Variants in VWF observed in about 807,000 individuals in gnomAD.
The protein encoded by VWF is Factor VIII related antigen.
In VWF, 176 loss-of-function variants were observed where a neutral mutation model predicts 308.6. That is an observed-to-expected ratio of 0.57 (90% CI 0.50 to 0.65). The LOEUF is 0.65. Ranked by LOEUF, VWF falls within the 30% of genes least tolerant of loss-of-function variation. VWF has a pLI of 0.00. For missense variants in VWF, 3,146 were observed against 3,648.2 expected, an observed-to-expected ratio of 0.86 and a Z score of 3.55; for synonymous variants, 1,385 against 1,443.4, an observed-to-expected ratio of 0.96 and a Z score of 0.92.
At chr12:6,122,980 C>T (rs749627452) in intron 2 of VWF, 162 bp downstream of exon 2, 7 of 866,916 alleles carry the variant, frequency 8.1e-6, no homozygotes, top group Admixed American at 5.1e-5. Context: ...GAATACAAGT[C>T]AAGGGTGGGA....
chr12:6,075,932 T>C lies in VWF; in HGVS notation c.658-381A>G, dbSNP rs1437913364. On this transcript the variant is annotated intron_variant, in intron 6 of 51. Transcript: ENST00000261405. The surrounding 1 kb of genome is among the most constrained non-coding windows in gnomAD (Gnocchi z 4.7). ...AATGCTGTCAGCATCGGTTCTGCAC[T>C]GACCTGTTCAGCTCCCCTCCCTGAC... Among the ~76,000 whole-genome samples, 2 of 152,232 alleles carry C rather than the reference T, an allele frequency of 1.3e-5. No homozygotes were observed. Among genetic ancestry groups the C allele is most frequent in the African/African-American group, 4.8e-5 (2 of 41,458 alleles).
rs573460498 is a variant in VWF at position 5,968,344 on chromosome 12, C to A, written c.7730-177G>T. On this transcript the variant is annotated intron_variant, in intron 45 of 51. Transcript: ENST00000261405. ...GGGGTCCTACTGCTGGAGCCCACAG[C>A]GGCCTCCCTTCCCCATGCAGCCCAC... The A allele has an allele frequency of 1.2e-3, 782 of 661,644 alleles. 2 individuals carry two copies. The highest frequency in any genetic ancestry group is 2.1e-3 in the Middle Eastern group (5 of 2,408). The allele number at this position is 661,644 out of a possible 1,614,324, so 41.0% of individuals were successfully genotyped here. A position where few individuals can be genotyped will look rare whatever the true frequency, so the allele number is the denominator to read the frequency against.
Position 6,046,913 on chromosome 12 carries a change from C to T in VWF, c.2187-96G>A. On this transcript the variant is annotated intron_variant, in intron 16 of 51. Transcript: ENST00000261405. This position sits in a 1 kb window ranked among gnomAD's most constrained non-coding sequence, Gnocchi z 5.0. ...CCCACTCACTCTCTGCCCCTTCCAACCAGGTCCCAGTCCCATAACCCCTCC... is the reference window on the plus strand; with the variant it reads ...CCCACTCACTCTCTGCCCCTTCCAATCAGGTCCCAGTCCCATAACCCCTCC... 9.0e-7 allele frequency: 1 copy of T among 1,106,438 alleles called. No homozygotes were observed. The allele number at this position is 1,106,438 out of a possible 1,614,324, so 68.5% of individuals were successfully genotyped here.
chr12:6,031,683 G>A, intron 20 of VWF, 105 bp from the exon 21 acceptor site: 1 of 1,569,742 alleles, frequency 6.4e-7, no homozygotes, highest in South Asian at 1.1e-5. Context: ...CGTGTCACAG[G>A]ATCTTGCCAC....
chr12:6,114,613 AT>A (rs1409377080), intron 3 of VWF, among the ~76,000 whole-genome samples: 2 of 152,142 alleles, frequency 1.3e-5, no homozygotes, highest in Non-Finnish European at 2.9e-5. Context: ...TAACTTGCCT[AT>A]CATCACAGAG....
chr12:5,949,121 G>A lies in VWF; in HGVS notation c.8336C>T (p.Thr2779Met), dbSNP rs374314985. Residue 2779 changes from threonine to methionine, a missense_variant, in exon 52 of 52, where the codon ACG (threonine) becomes ATG (methionine). Physicochemically the swap from Thr to Met is moderately conservative, Grantham distance 81. Coordinates refer to ENST00000261405, the MANE Select transcript of VWF (RefSeq NM_000552.5). ...DQCSCCSPTR[T>M]EPMQVALHCT... ...GTGCAGGGCCACCTGCATGGGCTCC[G>A]TCCGTGTCGGAGAGCAGCAGGAGCA... is the stretch of plus-strand genomic sequence containing the variant. The A allele has an allele frequency of 2.6e-5, 42 of 1,614,102 alleles. No individual in the cohort carries two copies. The Admixed American group carries it at 4.0e-4, about 15-fold the overall frequency.
chr12:6,019,252 T>C lies in VWF; in HGVS notation c.4166A>G (p.Glu1389Gly), dbSNP rs1235599365. 6.2e-7 allele frequency: 1 copy of C among 1,613,710 alleles called. No homozygotes were observed. The highest frequency in any genetic ancestry group is 8.5e-7 in the Non-Finnish European group (1 of 1,179,842). ...RITLLLMASQEPQRMSRNFVR... is the reference protein window; with the variant it reads ...RITLLLMASQGPQRMSRNFVR... ...AAAGTTCCGGGACATCCGTTGGGGC[T>C]CCTGGCTGGCCATCAGGAGCAGGGT... The change falls in exon 28 of 52, where the codon GAG (glutamate) becomes GGG (glycine). Residue 1389 changes from glutamate to glycine, a missense_variant. Physicochemically the swap from Glu to Gly is moderately conservative, Grantham distance 98. This residue lies in a region of VWF where 853 missense variants were observed against 1,177.8 expected (regional missense o/e 0.72). Transcript: ENST00000261405. The surrounding 1 kb of genome is among the most constrained non-coding windows in gnomAD (Gnocchi z 5.8).
At chr12:6,121,041 T>C in intron 3 of VWF, 133 bp downstream of exon 3, 1 of 1,267,854 alleles carries the variant, frequency 7.9e-7, no homozygotes, top group Non-Finnish European at 1.1e-6. Flanking sequence ...ACAGAAAGGC[T>C]GTTCCTCTCC....
intron 47 of VWF, among the ~76,000 whole-genome samples, chr12:5,964,282 A>ACATACATACATACATACATG (rs1269684878): frequency 3.5e-5 from 5 of 143,366 alleles, no homozygotes; most frequent in African/African-American, 1.5e-4. Flanking sequence ...ATGCATACAT[A>ACATACATACATACATACATG]CATGCATACA....
chr12:6,072,207 C>G, intron 9 of VWF, 124 bp downstream of exon 9: 1 of 843,420 alleles, frequency 1.2e-6, no homozygotes, highest in Non-Finnish European at 1.9e-6. Flanking sequence ...TAGCCTCCAA[C>G]TCAGTCTCTT....
chr12:6,053,646 C>G (rs755687079), intron 15 of VWF, among the ~76,000 whole-genome samples: 1 of 152,176 alleles, frequency 6.6e-6, no homozygotes, highest in Non-Finnish European at 1.5e-5. Context: ...TCCCAAATAC[C>G]TGGGTTCACG....
chr12:6,110,787 C>T, intron 4 of VWF, 79 bp downstream of exon 4: 2 of 1,493,000 alleles, frequency 1.3e-6, no homozygotes, highest in Non-Finnish European at 1.9e-6. Flanking sequence ...CTCTGGGCCC[C>T]AGCTTCCTCA....
chr12:5,962,806 C>T (rs1024829860), intron 47 of VWF, among the ~76,000 whole-genome samples: 2 of 152,182 alleles, frequency 1.3e-5, no homozygotes, highest in African/African-American at 4.8e-5. Flanking sequence ...GCCTCAGCCT[C>T]CCAAAGTGCT....
At chr12:5,992,876 A>G (rs1159490747) in intron 37 of VWF, among the ~76,000 whole-genome samples, 5 of 152,250 alleles carry the variant, frequency 3.3e-5, no homozygotes, top group African/African-American at 9.6e-5. Context: ...AAGTGCTTCC[A>G]GTAACTTAGA....
chr12:5,976,025 AG>A lies in VWF; in HGVS notation c.7437+85del. 2.5e-6 allele frequency: 4 copies of A among 1,586,318 alleles called. No homozygotes were observed. The South Asian group carries it at 4.5e-5, about 18-fold the overall frequency. On this transcript the variant is annotated intron_variant, in intron 43 of 51. Coordinates refer to ENST00000261405, the MANE Select transcript of VWF (RefSeq NM_000552.5). ...AGCGAGTCTCCATTTCAAAAAAAAA[AG>A]AACCTTTCTTACCCTTCCTAAGATG...
At chr12:6,048,677 G>A (rs1449339127) in intron 16 of VWF, among the ~76,000 whole-genome samples, 2 of 149,720 alleles carry the variant, frequency 1.3e-5, no homozygotes. Flanking sequence ...TGACCAGGCT[G>A]GTCTCAAACT....
Position 6,058,113 on chromosome 12 carries a change from A to G in VWF, c.1534-69T>C. 6.5e-7 allele frequency: 1 copy of G among 1,531,684 alleles called. No homozygotes were observed. Among genetic ancestry groups the G allele is most frequent in the South Asian group, 1.2e-5 (1 of 84,454 alleles). 94.9% of individuals were successfully genotyped at this position (1,531,684 alleles called of 1,614,324 possible). A position where few individuals can be genotyped will look rare whatever the true frequency, so the allele number is the denominator to read the frequency against. ...CAGCGGCATAGTTGTTTAGCTAATG[A>G]GATGGTTTTAATAAAAAAAAAAAAG... On this transcript the variant is annotated intron_variant, in intron 13 of 51. Coordinates refer to ENST00000261405, the MANE Select transcript of VWF (RefSeq NM_000552.5). The surrounding 1 kb of genome is among the most constrained non-coding windows in gnomAD (Gnocchi z 4.9).
intron 34 of VWF, among the ~76,000 whole-genome samples, chr12:6,004,818 T>C (rs1943909627): frequency 6.6e-6 from 1 of 152,000 alleles, no homozygotes; most frequent in Non-Finnish European, 1.5e-5. Context: ...AAAAGTCTCA[T>C]TTACAATTGC....
At chr12:5,999,471 T>TACACACACACAC (rs3062521) in intron 34 of VWF, among the ~76,000 whole-genome samples, 222 of 143,656 alleles carry the variant, frequency 1.5e-3, no homozygotes, top group African/African-American at 3.9e-3. Flanking sequence ...TGTACACACA[T>TACACACACACAC]ACACACACAC....
Sources: gnomAD v4.1 joint callset for allele counts (sites outside exome capture counted in the v4.1 genomes callset) on GRCh38, gnomAD v4.1.1 for gene constraint, gnomAD v4.1.1 regional missense constraint, Gnocchi (gnomAD v3.1) non-coding constraint, MANE v1.5 for transcripts, NCBI Gene and HGNC (gene_info 2026-07-23, HGNC 2026-07-21) for gene names.